The following PTPRD variants were observed in gnomAD, a reference collection of about 807,000 sequenced individuals.
PTPRD encodes the protein protein tyrosine phosphatase receptor type D.
PTPRD carries 34 observed loss-of-function variants against 214.5 expected under a neutral mutation model. The observed-to-expected ratio is 0.16, with a 90% CI of 0.12 to 0.21. The LOEUF (loss-of-function observed/expected upper bound fraction) is 0.21. PTPRD is among the 10% of genes least tolerant of loss of function. PTPRD has a pLI of 1.00. For missense variants in PTPRD, 2,545 were observed against 2,398.7 expected (o/e 1.06, Z -1.27); for synonymous variants, 1,128 against 845.7 (o/e 1.33, Z -5.79).
At chr9:9,553,923 C>T (rs941271181) in intron 8 of PTPRD, among the ~76,000 whole-genome samples, 1 of 151,966 alleles carries the variant, frequency 6.6e-6, no homozygotes, top group Non-Finnish European at 1.5e-5. Context: ...GGCATATACC[C>T]TCTGACAACA....
intron 7 of PTPRD, among the ~76,000 whole-genome samples, chr9:9,661,279 C>A (rs1321746692): frequency 6.6e-6 from 1 of 151,864 alleles, no homozygotes; most frequent in East Asian, 1.9e-4. Context: ...TATGAAAATA[C>A]TGGCCACTAC....
intron 8 of PTPRD, among the ~76,000 whole-genome samples, chr9:9,562,176 T>C (rs1418725083): frequency 1.3e-5 from 2 of 152,166 alleles, no homozygotes; most frequent in Admixed American, 1.3e-4. Flanking sequence ...AAAAGGCAGC[T>C]CCACAGTTAA....
intron 3 of PTPRD, among the ~76,000 whole-genome samples, chr9:10,322,083 C>A (rs372425825): frequency 6.6e-6 from 1 of 151,900 alleles, no homozygotes; most frequent in African/African-American, 2.4e-5. Flanking sequence ...CTGAACCATC[C>A]GCATGAGGGT....
intron 7 of PTPRD, among the ~76,000 whole-genome samples, chr9:9,614,018 C>T (rs967044985): frequency 6.6e-6 from 1 of 152,018 alleles, no homozygotes; most frequent in Non-Finnish European, 1.5e-5. Flanking sequence ...CACATGTTGT[C>T]ATAATAGAAG....
chr9:9,869,877 G>C (rs2064985534), intron 5 of PTPRD, among the ~76,000 whole-genome samples: 1 of 151,964 alleles, frequency 6.6e-6, no homozygotes, highest in Non-Finnish European at 1.5e-5. Flanking sequence ...AGCAGAGATT[G>C]AGACAAGTGG....
At chr9:9,067,632 A>G (rs551871156) in intron 10 of PTPRD, among the ~76,000 whole-genome samples, 206 of 152,310 alleles carry the variant, frequency 1.4e-3, no homozygotes, top group Middle Eastern at 3.4e-3. Flanking sequence ...TGAATTTTCA[A>G]AATTAACCTC....
At chr9:8,810,390 C>G (rs1411837040) in intron 11 of PTPRD, among the ~76,000 whole-genome samples, 1 of 152,150 alleles carries the variant, frequency 6.6e-6, no homozygotes, top group Non-Finnish European at 1.5e-5. Flanking sequence ...CCTTTGAAAG[C>G]CTCAATTCAA....
chr9:10,248,810 G>C (rs1250044120), intron 3 of PTPRD, among the ~76,000 whole-genome samples: 1 of 151,814 alleles, frequency 6.6e-6, no homozygotes, highest in Non-Finnish European at 1.5e-5. Context: ...TCATCCACTG[G>C]GAATAAAAAG....
intron 9 of PTPRD, among the ~76,000 whole-genome samples, chr9:9,345,260 C>T (rs1018555963): frequency 6.7e-6 from 1 of 150,290 alleles, no homozygotes; most frequent in Non-Finnish European, 1.5e-5. Flanking sequence ...AAATATTAAA[C>T]ATATATTTCA....
intron 11 of PTPRD, among the ~76,000 whole-genome samples, chr9:8,923,336 C>T (rs2098841365): frequency 6.6e-6 from 1 of 152,088 alleles, no homozygotes; most frequent in Admixed American, 6.5e-5. Flanking sequence ...GCCACCGCGC[C>T]TGGCCAGCTT....
chr9:10,361,841 G>A (rs887935139), intron 2 of PTPRD, among the ~76,000 whole-genome samples: 7 of 152,172 alleles, frequency 4.6e-5, no homozygotes, highest in Admixed American at 4.6e-4. Context: ...AAACTATACT[G>A]AGGAAGCAGA....
rs1227655704 is a variant in PTPRD, at chr9:9,009,742, T to A, written c.-104+8955A>T. 2.0e-5 allele frequency among the ~76,000 whole-genome samples: 3 copies of A among 152,094 alleles called. No individual in the cohort carries two copies. In the East Asian group the frequency reaches 5.8e-4, roughly 29 times the overall value. Reference sequence around the variant, plus strand: ...TGATGTATGTGCCAATTTGGAAATATTCTAGCTCACATCTAGGCATAAAGC... The same window carrying A: ...TGATGTATGTGCCAATTTGGAAATAATCTAGCTCACATCTAGGCATAAAGC... On this transcript the variant is annotated intron_variant, in intron 11 of 45. Transcript: ENST00000381196.
intron 9 of PTPRD, among the ~76,000 whole-genome samples, chr9:9,381,021 G>C (rs2062061621): frequency 6.6e-6 from 1 of 151,932 alleles, no homozygotes; most frequent in Non-Finnish European, 1.5e-5. Context: ...CTTTTGCTTA[G>C]TGTTAGTATG....
At chr9:9,897,714 T>A (rs2075376042) in intron 5 of PTPRD, among the ~76,000 whole-genome samples, 1 of 152,100 alleles carries the variant, frequency 6.6e-6, no homozygotes, top group African/African-American at 2.4e-5. Context: ...TAATTTTACA[T>A]ACAATATATT....
intron 3 of PTPRD, among the ~76,000 whole-genome samples, chr9:10,129,931 A>T (rs566595476): frequency 6.7e-6 from 1 of 148,682 alleles, no homozygotes; most frequent in South Asian, 2.3e-4. Flanking sequence ...AAATAACCAA[A>T]TGTTTTTTTT....
chr9:9,709,144 A>T (rs2097680479), intron 7 of PTPRD, among the ~76,000 whole-genome samples: 1 of 152,032 alleles, frequency 6.6e-6, no homozygotes. Context: ...TGCAAGATTC[A>T]AATACCAAAA....
intron 3 of PTPRD, among the ~76,000 whole-genome samples, chr9:10,066,304 G>T (rs1461731610): frequency 2.0e-5 from 3 of 150,934 alleles, no homozygotes; most frequent in African/African-American, 7.3e-5. Context: ...TTATCTATTT[G>T]CATTAAAAAA....
At chr9:10,517,279 A>G (rs970473863) in intron 2 of PTPRD, among the ~76,000 whole-genome samples, 14 of 151,856 alleles carry the variant, frequency 9.2e-5, no homozygotes, top group African/African-American at 2.7e-4. Flanking sequence ...CAAGTTTCTT[A>G]CCTCCTCAGT....
chr9:10,133,432 G>A (rs544160192), intron 3 of PTPRD, among the ~76,000 whole-genome samples: 1 of 151,966 alleles, frequency 6.6e-6, no homozygotes, highest in East Asian at 1.9e-4. Flanking sequence ...TTTCAGAAAG[G>A]ACAAAGCAGA....
Sources: gnomAD v4.1 joint callset for allele counts (sites outside exome capture counted in the v4.1 genomes callset) on GRCh38, gnomAD v4.1.1 for gene constraint, MANE v1.5 for transcripts, NCBI Gene and HGNC (gene_info 2026-07-23, HGNC 2026-07-21) for gene names.